The following PUS7L variants were observed in gnomAD, a reference collection of about 807,000 sequenced individuals.
PUS7L encodes pseudouridylate synthase PUS7L.
PUS7L carries 49 observed loss-of-function variants against 51.1 expected under a neutral mutation model. The ratio of observed to expected loss-of-function variants is 0.96; its 90% CI spans 0.76 to 1.22. The LOEUF is 1.22. PUS7L is among the 50% of genes most tolerant of loss of function. The pLI is 0.00. For synonymous variants in PUS7L, 277 were observed against 276.2 expected (o/e 1.00, Z -0.03); for missense variants, 828 against 820.6 (o/e 1.01, Z -0.11).
rs1249436807 is a variant in PUS7L, at chr12:43,722,355, C to T, written c.*8021G>A. 6.6e-6 allele frequency: 1 copy of T among 151,984 alleles called. No homozygotes were observed. Among genetic ancestry groups the T allele is most frequent in the East Asian group, 1.9e-4 (1 of 5,194 alleles). 9.4% of individuals were successfully genotyped at this position (151,984 alleles called of 1,614,324 possible). The stretch of plus-strand genomic sequence containing the variant: ...TGACATAGTAAACAAGATGGACTGA[C>T]TAGAGTGAAAAACGAAGGCCACCCA... On this transcript the variant is annotated 3_prime_UTR_variant, in exon 9 of 9. Transcript: ENST00000344862.
chr12:43,740,341 T>G (rs1024464360), intron 5 of PUS7L, among the ~76,000 whole-genome samples: 5 of 152,200 alleles, frequency 3.3e-5, no homozygotes, highest in African/African-American at 1.2e-4. Flanking sequence ...ATCTGCCACA[T>G]GCTAGGTACT....
rs148086659 is a variant in PUS7L at position 43,721,537 on chromosome 12, T to A, written c.*8839A>T. On this transcript the variant is annotated 3_prime_UTR_variant, in exon 9 of 9. Coordinates refer to ENST00000344862, the MANE Select transcript of PUS7L (RefSeq NM_031292.5). ...ATATTTGCAGTATTCACTCAGCATT[T>A]TTAACCCTGTTATATGTCAGGCACT... is the stretch of plus-strand genomic sequence containing the variant. The A allele has an allele frequency of 6.6e-6, 1 of 152,180 alleles. No individual in the cohort carries two copies. The highest frequency in any genetic ancestry group is 2.4e-5 in the African/African-American group (1 of 41,446). 9.4% of individuals were successfully genotyped at this position (152,180 alleles called of 1,614,324 possible).
At position 43,730,449 on chromosome 12, in the gene PUS7L, A is replaced by G. The variant is rs1944523717; in HGVS notation, c.2033T>C (p.Leu678Ser). Reference sequence around the variant, plus strand: ...TGAAGCATCAAGATCAAAAGAGATCAAAAGAGACAAAGCTGTTTCATCAAT... The same window carrying G: ...TGAAGCATCAAGATCAAAAGAGATCGAAAGAGACAAAGCTGTTTCATCAAT... ...SHIDETALSL[L>S]ISFDLDASCY... Residue 678 changes from leucine (L) to serine (S), a missense_variant, in exon 9 of 9, where the codon TTG becomes TCG. Coordinates refer to ENST00000344862, the MANE Select transcript of PUS7L (RefSeq NM_031292.5). 1 of 1,613,906 alleles carries G rather than the reference A, an allele frequency of 6.2e-7. No individual in the cohort carries two copies. The highest frequency in any genetic ancestry group is 1.1e-5 in the South Asian group (1 of 91,076).
At chr12:43,757,372 C>G (rs1036246393) in intron 1 of PUS7L, among the ~76,000 whole-genome samples, 2 of 152,152 alleles carry the variant, frequency 1.3e-5, no homozygotes, top group African/African-American at 4.8e-5. Flanking sequence ...GGGGTTTCAC[C>G]ATATTGGCCA....
intron 2 of PUS7L, among the ~76,000 whole-genome samples, chr12:43,751,938 TTC>T (rs1938470903): frequency 6.6e-6 from 1 of 152,240 alleles, no homozygotes; most frequent in African/African-American, 2.4e-5. Flanking sequence ...TGATTTGCAT[TTC>T]TCTGATGGCC....
At chr12:43,737,127 C>G (rs975096480) in intron 6 of PUS7L, among the ~76,000 whole-genome samples, 1 of 152,072 alleles carries the variant, frequency 6.6e-6, no homozygotes, top group South Asian at 2.1e-4. Context: ...CACTATTATG[C>G]CTCACAAATG....
Position 43,730,112 on chromosome 12 carries a change from C to A in PUS7L, c.*264G>T. On this transcript the variant is annotated 3_prime_UTR_variant, in exon 9 of 9. Coordinates refer to ENST00000344862, the MANE Select transcript of PUS7L (RefSeq NM_031292.5). Reference sequence around the variant, plus strand: ...TCCTAATGGTTTTAAAAGATTGTAACTTTATGACACAGAATAAAGGTCACT... The same window carrying A: ...TCCTAATGGTTTTAAAAGATTGTAAATTTATGACACAGAATAAAGGTCACT... The A allele has an allele frequency of 2.6e-6, 1 of 379,448 alleles. No homozygotes were observed. Among genetic ancestry groups the A allele is most frequent in the Admixed American group, 4.0e-5 (1 of 24,914 alleles). The allele number at this position is 379,448 out of a possible 1,614,324, so 23.5% of individuals were successfully genotyped here.
At chr12:43,758,086 C>A (rs908428009) in intron 1 of PUS7L, among the ~76,000 whole-genome samples, 1 of 152,098 alleles carries the variant, frequency 6.6e-6, no homozygotes, top group Non-Finnish European at 1.5e-5. Context: ...AAGATGTATC[C>A]GATGGAGTAA....
rs1938624398 is a variant in PUS7L, at chr12:43,754,933, A to C, written c.313T>G (p.Ser105Ala). ...TCAACGATAGTATCTTCCTTTTCTGAACCAGACTGATGATTTTGGTCACCA... is the reference window on the plus strand; with the variant it reads ...TCAACGATAGTATCTTCCTTTTCTGCACCAGACTGATGATTTTGGTCACCA... ...TDGDQNHQSG[S>A]EKEDTIVDGT... The change falls in exon 2 of 9, where the codon TCA becomes GCA. Residue 105 changes from serine to alanine, a missense_variant. Transcript: ENST00000344862. 1.9e-6 allele frequency: 3 copies of C among 1,613,870 alleles called. No individual in the cohort carries two copies. Among genetic ancestry groups the C allele is most frequent in the East Asian group, 4.5e-5 (2 of 44,846 alleles).
chr12:43,744,114 T>C (rs180946036), intron 4 of PUS7L, among the ~76,000 whole-genome samples: 31 of 152,364 alleles, frequency 2.0e-4, no homozygotes, highest in African/African-American at 6.7e-4. Flanking sequence ...GAATAAATGC[T>C]ACCAGAGTTC....
At chr12:43,758,652 T>TGGGGC in intron 1 of PUS7L, 78 bp downstream of exon 1, 6 of 708,198 alleles carry the variant, frequency 8.5e-6, no homozygotes, top group African/African-American at 5.1e-5. Flanking sequence ...GCCAACCTCG[T>TGGGGC]CACCCCCCCC....
In PUS7L at chr12:43,721,722, A is replaced by G. The variant is rs1328312585; in HGVS notation, c.*8654T>C. The G allele has an allele frequency of 2.6e-5, 4 of 152,234 alleles. No individual in the cohort carries two copies. Among genetic ancestry groups the G allele is most frequent in the Admixed American group, 6.5e-5 (1 of 15,284 alleles). The allele number at this position is 152,234 out of a possible 1,614,324, so 9.4% of individuals were successfully genotyped here. ...AGATTTCACATAAAAGACATTTAAT[A>G]TAAGCAGAGATGTTCCAGCCAATGG... On this transcript the variant is annotated 3_prime_UTR_variant, in exon 9 of 9. Transcript: ENST00000344862.
At chr12:43,743,484 C>A (rs1402561240) in intron 4 of PUS7L, among the ~76,000 whole-genome samples, 2 of 152,192 alleles carry the variant, frequency 1.3e-5, no homozygotes, top group Non-Finnish European at 1.5e-5. Context: ...TAATTGCAGG[C>A]CAGGCTCAGT....
rs1208807921 is a variant in PUS7L at position 43,727,749 on chromosome 12, G to T, written c.*2627C>A. 6.6e-6 allele frequency: 1 copy of T among 152,010 alleles called. No individual in the cohort carries two copies. 9.4% of individuals were successfully genotyped at this position (152,010 alleles called of 1,614,324 possible). On this transcript the variant is annotated 3_prime_UTR_variant, in exon 9 of 9. Transcript: ENST00000344862. ...TATCAGGTACTATGCTCATTATCTG[G>T]GTGATTAAATAATTTGTATGCAGAA... is the stretch of plus-strand genomic sequence containing the variant.
chr12:43,719,907 A>ATT lies in PUS7L; in HGVS notation c.*10467_*10468dup, dbSNP rs1006020692. The ATT allele has an allele frequency of 6.6e-6, 1 of 152,116 alleles. No individual in the cohort carries two copies. Among genetic ancestry groups the ATT allele is most frequent in the African/African-American group, 2.4e-5 (1 of 41,432 alleles). The allele number at this position is 152,116 out of a possible 1,614,324, so 9.4% of individuals were successfully genotyped here. ...GTATTTTCAACAAACCAACTTTTGG[A>ATT]TTTGTAGATCGTCTCTTCTATTCTG... On this transcript the variant is annotated 3_prime_UTR_variant, in exon 9 of 9. Transcript: ENST00000344862.
chr12:43,748,360 T>A, intron 3 of PUS7L, 90 bp downstream of exon 3: 1 of 792,836 alleles, frequency 1.3e-6, no homozygotes, highest in East Asian at 2.6e-5. Flanking sequence ...CATATTTGAA[T>A]GCAGTACAGG....
chr12:43,724,784 G>T lies in PUS7L; in HGVS notation c.*5592C>A, dbSNP rs1416574077. On this transcript the variant is annotated 3_prime_UTR_variant, in exon 9 of 9. Coordinates refer to ENST00000344862, the MANE Select transcript of PUS7L (RefSeq NM_031292.5). Reference sequence around the variant, plus strand: ...CCATACTCTAATCCTTCATGTATTGGTATCATAATTACTGCTATGTCTATA... The same window carrying T: ...CCATACTCTAATCCTTCATGTATTGTTATCATAATTACTGCTATGTCTATA... 3.9e-5 allele frequency: 6 copies of T among 152,030 alleles called. No homozygotes were observed. Among genetic ancestry groups the T allele is most frequent in the South Asian group, 2.1e-4 (1 of 4,830 alleles). The allele number at this position is 152,030 out of a possible 1,614,324, so 9.4% of individuals were successfully genotyped here.
In PUS7L at chr12:43,755,129, A is replaced by G. The variant is rs1381655972; in HGVS notation, c.117T>C (p.Ile39=). The change falls in exon 2 of 9, where the codon ATT becomes ATC. Residue 39 remains isoleucine (I), a synonymous_variant. Coordinates refer to ENST00000344862, the MANE Select transcript of PUS7L (RefSeq NM_031292.5). ...TATTAACTAACTGTCCCTGTTCATCAATTTCAATAACAATAAAGTCACTTG... is the reference window on the plus strand; with the variant it reads ...TATTAACTAACTGTCCCTGTTCATCGATTTCAATAACAATAAAGTCACTTG... The part of the protein sequence containing the change: ...SSPSDFIVIE[I]DEQGQLVNKT... 2 of 1,613,528 alleles carry G rather than the reference A, an allele frequency of 1.2e-6. No homozygotes were observed. The highest frequency in any genetic ancestry group is 1.7e-6 in the Non-Finnish European group (2 of 1,179,706).
chr12:43,730,124 G>T lies in PUS7L; in HGVS notation c.*252C>A. 1 of 440,180 alleles carries T rather than the reference G, an allele frequency of 2.3e-6. No individual in the cohort carries two copies. The highest frequency in any genetic ancestry group is 4.1e-6 in the Non-Finnish European group (1 of 245,816). 27.3% of individuals were successfully genotyped at this position (440,180 alleles called of 1,614,324 possible). A position where few individuals can be genotyped will look rare whatever the true frequency, so the allele number is the denominator to read the frequency against. ...TAAAAGATTGTAACTTTATGACACAGAATAAAGGTCACTGAAACATATAAT... is the reference window on the plus strand; with the variant it reads ...TAAAAGATTGTAACTTTATGACACATAATAAAGGTCACTGAAACATATAAT... On this transcript the variant is annotated 3_prime_UTR_variant, in exon 9 of 9. Coordinates refer to ENST00000344862, the MANE Select transcript of PUS7L (RefSeq NM_031292.5).
Sources: allele counts gnomAD v4.1 joint callset (sites outside exome capture counted in the v4.1 genomes callset), GRCh38; gene constraint gnomAD v4.1.1; transcripts MANE v1.5; gene names NCBI Gene and HGNC (gene_info 2026-07-23, HGNC 2026-07-21).